The following FAM222B variants were observed in gnomAD, a reference collection of about 807,000 sequenced individuals.
FAM222B encodes protein FAM222B.
Under a neutral mutation model 38.0 loss-of-function variants are expected in FAM222B, and 12 were observed. That is an observed-to-expected ratio of 0.32 (90% CI 0.20 to 0.51). FAM222B has a LOEUF of 0.51. Among genes scored for constraint, FAM222B ranks in the 20% least tolerant of loss-of-function variants. The probability of loss-of-function intolerance (pLI) is 0.97; values close to 1 mark genes in which losing one functional copy is unlikely to be tolerated. For missense variants in FAM222B, 716 were observed against 754.2 expected, an observed-to-expected ratio of 0.95 and a Z score of 0.59; for synonymous variants, 329 against 317.2, an observed-to-expected ratio of 1.04 and a Z score of -0.40.
chr17:28,770,357 A>G (rs547098474), intron 1 of FAM222B, among the ~76,000 whole-genome samples: 2 of 152,274 alleles, frequency 1.3e-5, no homozygotes, highest in South Asian at 4.1e-4. Context: ...CAGGACTGAA[A>G]CCTAGATTTG....
chr17:28,808,620 A>G (rs2037601024), intron 1 of FAM222B, among the ~76,000 whole-genome samples: 1 of 152,220 alleles, frequency 6.6e-6, no homozygotes, highest in South Asian at 2.1e-4. Flanking sequence ...ATTCAGACTC[A>G]TAGCAAACAA....
chr17:28,766,715 G>A lies in FAM222B; in HGVS notation c.-40-8C>T. The A allele has an allele frequency of 1.4e-6, 2 of 1,453,714 alleles. No individual in the cohort carries two copies. The highest frequency in any genetic ancestry group is 1.9e-6 in the Non-Finnish European group (2 of 1,053,100). The allele number at this position is 1,453,714 out of a possible 1,614,324, so 90.1% of individuals were successfully genotyped here. A position where few individuals can be genotyped will look rare whatever the true frequency, so the allele number is the denominator to read the frequency against. On this transcript the variant is annotated splice_region_variant and splice_polypyrimidine_tract_variant and intron_variant, in intron 1 of 2. Coordinates refer to ENST00000581407, the MANE Select transcript of FAM222B (RefSeq NM_001077498.3). ...ATGGGGCAGTGGCTCACACTGTAAT[G>A]AACAAAAACAAGGTCATGAAACACA... is the stretch of plus-strand genomic sequence containing the variant.
At chr17:28,850,541 G>A (rs368673768) in intron 1 of FAM222B, among the ~76,000 whole-genome samples, 3 of 152,126 alleles carry the variant, frequency 2.0e-5, no homozygotes, top group South Asian at 4.2e-4. Flanking sequence ...CTTGTGATCC[G>A]CCCACCTCGG....
chr17:28,851,437 G>A (rs1193891865), intron 1 of FAM222B, among the ~76,000 whole-genome samples: 1 of 151,894 alleles, frequency 6.6e-6, no homozygotes, highest in African/African-American at 2.4e-5. Flanking sequence ...GGGAGCCTGA[G>A]GCAGGAAAAT....
At chr17:28,771,275 A>G (rs999305495) in intron 1 of FAM222B, among the ~76,000 whole-genome samples, 5 of 152,206 alleles carry the variant, frequency 3.3e-5, no homozygotes, top group African/African-American at 9.7e-5. Context: ...CCTGTAAGTA[A>G]TAACTGAGGA....
chr17:28,835,024 T>TTGTGTGTGTGTGTGTGTGTGTGTGTG (rs61229770), intron 1 of FAM222B, among the ~76,000 whole-genome samples: 2 of 132,112 alleles, frequency 1.5e-5, no homozygotes, highest in South Asian at 2.7e-4. Context: ...TCAGCTAATT[T>TTGTGTGTGTGTGTGTGTGTGTGTGTG]TGTGTGTGTG....
intron 1 of FAM222B, among the ~76,000 whole-genome samples, chr17:28,802,995 GGTTT>G (rs2037309746): frequency 6.6e-6 from 1 of 151,990 alleles, no homozygotes. Flanking sequence ...TAAGAAGAGA[GGTTT>G]GTTTCTTTGC....
chr17:28,821,049 G>T (rs1260011591), intron 1 of FAM222B, among the ~76,000 whole-genome samples: 1 of 150,816 alleles, frequency 6.6e-6, no homozygotes, highest in East Asian at 1.9e-4. Flanking sequence ...TCCCCCACCT[G>T]GGTTCAAGCG....
chr17:28,838,697 G>A (rs973028034), intron 1 of FAM222B, among the ~76,000 whole-genome samples: 6 of 151,786 alleles, frequency 4.0e-5, no homozygotes, highest in Admixed American at 1.3e-4. Context: ...ACCTGAGGTC[G>A]GCAGTTCGAG....
At position 28,758,503 on chromosome 17, in the gene FAM222B, C is replaced by T. The variant is rs2034836278; in HGVS notation, c.1456G>A (p.Asp486Asn). The T allele has an allele frequency of 5.6e-6, 9 of 1,612,374 alleles. No individual in the cohort carries two copies. The highest frequency in any genetic ancestry group is 6.8e-6 in the Non-Finnish European group (8 of 1,179,814). Reference sequence around the variant, plus strand: ...TGGGCCCCGGGAGCTGCCGCACAGTCGAGGGGTGCACCTGTGGGCTGCCCA... The same window carrying T: ...TGGGCCCCGGGAGCTGCCGCACAGTTGAGGGGTGCACCTGTGGGCTGCCCA... ...HGGQPTGAPLDCAAAPGAHYR... is the reference protein window; with the variant it reads ...HGGQPTGAPLNCAAAPGAHYR... The change falls in exon 3 of 3, where the codon GAC (aspartate) becomes AAC (asparagine). Residue 486 changes from aspartate (D) to asparagine (N), a missense_variant. Transcript: ENST00000581407.
At chr17:28,820,137 T>C (rs1425630430) in intron 1 of FAM222B, among the ~76,000 whole-genome samples, 1 of 152,154 alleles carries the variant, frequency 6.6e-6, no homozygotes, top group Non-Finnish European at 1.5e-5. Context: ...CCAGGTGAGG[T>C]GTCAGGGTAA....
intron 1 of FAM222B, among the ~76,000 whole-genome samples, chr17:28,816,372 T>TA (rs1160201097): frequency 6.6e-6 from 1 of 152,212 alleles, no homozygotes; most frequent in African/African-American, 2.4e-5. Context: ...ATGTTGAACA[T>TA]ATCTTTTATA....
At chr17:28,771,684 A>G (rs1420468154) in intron 1 of FAM222B, among the ~76,000 whole-genome samples, 1 of 152,156 alleles carries the variant, frequency 6.6e-6, no homozygotes, top group Non-Finnish European at 1.5e-5. Context: ...CCGTCTTAAC[A>G]TGAAAAACAT....
chr17:28,768,836 CAAAAAA>C (rs71359249), intron 1 of FAM222B, among the ~76,000 whole-genome samples: 3 of 70,878 alleles, frequency 4.2e-5, no homozygotes, highest in African/African-American at 1.6e-4. Context: ...AACTCTGTCT[CAAAAAA>C]AAAAAAAAAA....
intron 1 of FAM222B, among the ~76,000 whole-genome samples, chr17:28,783,343 A>T (rs1181223085): frequency 6.6e-6 from 1 of 152,114 alleles, no homozygotes; most frequent in Non-Finnish European, 1.5e-5. Context: ...ACTGAAGCTC[A>T]GATCACCTCA....
At chr17:28,779,607 C>T (rs1386679366) in intron 1 of FAM222B, among the ~76,000 whole-genome samples, 11 of 151,900 alleles carry the variant, frequency 7.2e-5, no homozygotes, top group Admixed American at 2.0e-4. Context: ...AAAAATTAGC[C>T]GGGTGTGGTG....
chr17:28,836,630 G>A (rs1156341779), intron 1 of FAM222B, among the ~76,000 whole-genome samples: 2 of 152,036 alleles, frequency 1.3e-5, no homozygotes, highest in Non-Finnish European at 2.9e-5. Context: ...ACGTGACTGG[G>A]GGCTGCATGC....
intron 1 of FAM222B, among the ~76,000 whole-genome samples, chr17:28,791,675 ATTTTTT>A (rs869183871): frequency 5.1e-5 from 6 of 116,850 alleles, no homozygotes; most frequent in Non-Finnish European, 8.7e-5. Context: ...GAGCCCAGGA[ATTTTTT>A]TTTTTTTTTT....
At chr17:28,772,155 C>T (rs1352346290) in intron 1 of FAM222B, among the ~76,000 whole-genome samples, 1 of 152,140 alleles carries the variant, frequency 6.6e-6, no homozygotes, top group African/African-American at 2.4e-5. Context: ...ATAGCTAATA[C>T]TCTGACGATG....
Sources: allele counts gnomAD v4.1 joint callset (sites outside exome capture counted in the v4.1 genomes callset), GRCh38; gene constraint gnomAD v4.1.1; transcripts MANE v1.5; gene names NCBI Gene and HGNC (gene_info 2026-07-23, HGNC 2026-07-21).